The following OLFM3 variants were observed in gnomAD, a reference collection of about 807,000 sequenced individuals.
OLFM3 encodes noelin-3.
OLFM3 carries 20 observed loss-of-function variants against 48.6 expected under a neutral mutation model. That is an observed-to-expected ratio of 0.41 (90% confidence interval 0.29 to 0.60). OLFM3 has a LOEUF of 0.60. Ranked by LOEUF, OLFM3 falls within the 20% of genes least tolerant of loss-of-function variation. The probability of loss-of-function intolerance (pLI) is 0.28; values close to 1 mark genes in which losing one functional copy is unlikely to be tolerated. For synonymous variants in OLFM3, 222 were observed against 198.1 expected (o/e 1.12, Z -1.01); for missense variants, 437 against 544.3 (o/e 0.80, Z 1.96).
chr1:101,910,481 AAAAG>A (rs1658724172), intron 1 of OLFM3, among the ~76,000 whole-genome samples: 1 of 148,714 alleles, frequency 6.7e-6, no homozygotes. Flanking sequence ...AAAAAAAAAA[AAAAG>A]AAAGAAGAAA....
intron 1 of OLFM3, among the ~76,000 whole-genome samples, chr1:101,982,843 C>T (rs12755600): frequency 0.15 from 22,105 of 151,998 alleles, 2,158 homozygotes; most frequent in Non-Finnish European, 0.2. Flanking sequence ...GGGACTTATC[C>T]GCCTACAAAA....
intron 4 of OLFM3, among the ~76,000 whole-genome samples, chr1:101,821,683 A>G (rs1654613975): frequency 6.6e-6 from 1 of 152,112 alleles, no homozygotes; most frequent in South Asian, 2.1e-4. Context: ...TGGCCCCTCT[A>G]CTAAGTAAAT....
chr1:101,811,710 G>A (rs1654060859), intron 4 of OLFM3, among the ~76,000 whole-genome samples: 1 of 152,270 alleles, frequency 6.6e-6, no homozygotes, highest in South Asian at 2.1e-4. Flanking sequence ...GGGATGTGGA[G>A]AAATAGGAAC....
At chr1:101,839,596 T>C (rs1655607988) in intron 1 of OLFM3, among the ~76,000 whole-genome samples, 1 of 152,172 alleles carries the variant, frequency 6.6e-6, no homozygotes, top group Non-Finnish European at 1.5e-5. Context: ...ATTATAATAT[T>C]AAAATATTTT....
intron 1 of OLFM3, among the ~76,000 whole-genome samples, chr1:101,964,691 T>G (rs905371165): frequency 6.6e-6 from 1 of 152,206 alleles, no homozygotes; most frequent in Non-Finnish European, 1.5e-5. Context: ...CCTGGGAATT[T>G]TGTTCTTCAC....
At chr1:101,971,067 G>A (rs1202163134) in intron 1 of OLFM3, among the ~76,000 whole-genome samples, 1 of 152,186 alleles carries the variant, frequency 6.6e-6, no homozygotes, top group Non-Finnish European at 1.5e-5. Flanking sequence ...TGACTTTTGA[G>A]TGGGATTCTG....
chr1:101,931,463 T>C (rs1394519071), intron 1 of OLFM3, among the ~76,000 whole-genome samples: 1 of 152,178 alleles, frequency 6.6e-6, no homozygotes, highest in Non-Finnish European at 1.5e-5. Context: ...ATTGATCTTA[T>C]AGTAAGTGAC....
intron 1 of OLFM3, among the ~76,000 whole-genome samples, chr1:101,898,196 A>G (rs1229828510): frequency 6.6e-6 from 1 of 151,982 alleles, no homozygotes; most frequent in Non-Finnish European, 1.5e-5. Flanking sequence ...GAGTTTAAAA[A>G]ACTGATTATT....
In OLFM3 at chr1:101,821,903, A is replaced by T. The variant is rs184259149; in HGVS notation, c.592+3123T>A. Among the ~76,000 whole-genome samples, 3 of 152,256 alleles carry T rather than the reference A, an allele frequency of 2.0e-5. No homozygotes were observed. The East Asian group carries it at 5.8e-4, about 29-fold the overall frequency. Reference sequence around the variant, plus strand: ...TTAGCTAAAATAAAAATAAATATTGATTAACTAATGCAGTTTATTTGACAA... The same window carrying T: ...TTAGCTAAAATAAAAATAAATATTGTTTAACTAATGCAGTTTATTTGACAA... On this transcript the variant is annotated intron_variant, in intron 4 of 5. Coordinates refer to ENST00000370103, the MANE Select transcript of OLFM3 (RefSeq NM_058170.4).
chr1:101,813,188 T>C, intron 4 of OLFM3: 1 of 901,532 alleles, frequency 1.1e-6, no homozygotes. Flanking sequence ...TTGGACCAAA[T>C]CTGTATTGAG....
intron 1 of OLFM3, among the ~76,000 whole-genome samples, chr1:101,879,958 G>A (rs577370097): frequency 6.6e-6 from 1 of 151,806 alleles, no homozygotes; most frequent in South Asian, 2.1e-4. Flanking sequence ...TAAAATCTGG[G>A]ATTATAAAAA....
intron 1 of OLFM3, among the ~76,000 whole-genome samples, chr1:101,909,791 G>A (rs1658686997): frequency 6.6e-6 from 1 of 151,968 alleles, no homozygotes; most frequent in African/African-American, 2.4e-5. Flanking sequence ...TAGGCTGGCA[G>A]GTTTATTTAT....
chr1:101,937,443 TG>T (rs1288637149), intron 1 of OLFM3, among the ~76,000 whole-genome samples: 1 of 152,174 alleles, frequency 6.6e-6, no homozygotes, highest in Non-Finnish European at 1.5e-5. Context: ...CCACATGTTG[TG>T]GGAGGGCCCC....
chr1:101,828,026 C>G (rs1443591671), intron 3 of OLFM3, among the ~76,000 whole-genome samples: 8 of 100,820 alleles, frequency 7.9e-5, no homozygotes, highest in African/African-American at 2.4e-4. Context: ...CTCTCTCTCT[C>G]TCTCTCTGTC....
At chr1:101,857,299 C>G (rs752632591) in intron 1 of OLFM3, among the ~76,000 whole-genome samples, 8 of 151,922 alleles carry the variant, frequency 5.3e-5, no homozygotes, top group Non-Finnish European at 1.2e-4. Flanking sequence ...GGAAGTATAA[C>G]AGACACATAG....
intron 2 of OLFM3, among the ~76,000 whole-genome samples, chr1:101,834,456 C>T (rs1234041151): frequency 6.6e-6 from 1 of 152,122 alleles, no homozygotes; most frequent in East Asian, 1.9e-4. Context: ...GAAGGAGGTG[C>T]TTAAAGGTCA....
At chr1:101,965,235 A>G (rs954303394) in intron 1 of OLFM3, among the ~76,000 whole-genome samples, 1 of 152,232 alleles carries the variant, frequency 6.6e-6, no homozygotes, top group African/African-American at 2.4e-5. Context: ...GCACAATAGT[A>G]TATAAACCCC....
chr1:101,878,879 GGT>G (rs1400981467), intron 1 of OLFM3, among the ~76,000 whole-genome samples: 1 of 151,870 alleles, frequency 6.6e-6, no homozygotes, highest in African/African-American at 2.4e-5. Flanking sequence ...ATAGCTTTTA[GGT>G]GTATCTCATC....
intron 1 of OLFM3, among the ~76,000 whole-genome samples, chr1:101,866,049 G>C (rs1203213561): frequency 6.6e-6 from 1 of 152,100 alleles, no homozygotes; most frequent in Admixed American, 6.6e-5. Flanking sequence ...TCAGCTGAAG[G>C]AATCTATCAG....
Sources: gnomAD v4.1 joint callset for allele counts (sites outside exome capture counted in the v4.1 genomes callset) on GRCh38, gnomAD v4.1.1 for gene constraint, MANE v1.5 for transcripts, NCBI Gene and HGNC (gene_info 2026-07-23, HGNC 2026-07-21) for gene names.